The following TFEC variants were observed in gnomAD, a reference collection of about 807,000 sequenced individuals.
TFEC encodes class E basic helix-loop-helix protein 34.
A neutral mutation model predicts 41.6 loss-of-function variants in TFEC; 31 were observed. That is an observed-to-expected ratio of 0.74 (90% confidence interval 0.56 to 1.01). The LOEUF (loss-of-function observed/expected upper bound fraction) is 1.01, where lower values mean the gene tolerates loss of function less well. TFEC is among the 50% of genes least tolerant of loss of function. TFEC has a pLI of 0.00. For missense variants in TFEC, 402 were observed against 404.1 expected (o/e 0.99, Z 0.04); for synonymous variants, 143 against 140.6 (o/e 1.02, Z -0.12).
In TFEC at chr7:115,937,656, G is replaced by T. The variant is rs1027550778; in HGVS notation, c.*2895C>A. 6.6e-6 allele frequency: 1 copy of T among 151,714 alleles called. No homozygotes were observed. The highest frequency in any genetic ancestry group is 1.5e-5 in the Non-Finnish European group (1 of 67,756). 9.4% of individuals were successfully genotyped at this position (151,714 alleles called of 1,614,324 possible). On this transcript the variant is annotated 3_prime_UTR_variant, in exon 8 of 8. Coordinates refer to ENST00000265440, the MANE Select transcript of TFEC (RefSeq NM_012252.4). Reference sequence around the variant, plus strand: ...CAACTTTTTTAGTGAATAATCTAAAGTTTGGTACACTATTACTTTCCTATG... The same window carrying T: ...CAACTTTTTTAGTGAATAATCTAAATTTTGGTACACTATTACTTTCCTATG...
At chr7:115,993,515 G>C (rs1794219622) in intron 1 of TFEC, among the ~76,000 whole-genome samples, 1 of 152,156 alleles carries the variant, frequency 6.6e-6, no homozygotes, top group South Asian at 2.1e-4. Flanking sequence ...AAAGTCTCAG[G>C]ATATAAAATC....
At chr7:116,063,997 A>T (rs1043558143) in intron 3 of TFEC, among the ~76,000 whole-genome samples, 1 of 152,166 alleles carries the variant, frequency 6.6e-6, no homozygotes, top group Non-Finnish European at 1.5e-5. Flanking sequence ...ACAAACACTG[A>T]ATGATCTCAC....
At chr7:116,064,302 C>G (rs573311757) in intron 3 of TFEC, among the ~76,000 whole-genome samples, 2 of 150,656 alleles carry the variant, frequency 1.3e-5, no homozygotes, top group African/African-American at 4.9e-5. Context: ...TCCATATATA[C>G]CTATTTTAAA....
intron 1 of TFEC, among the ~76,000 whole-genome samples, chr7:116,153,647 A>G (rs900413372): frequency 2.6e-5 from 4 of 152,262 alleles, no homozygotes; most frequent in African/African-American, 4.8e-5. Flanking sequence ...GTAATTAACA[A>G]TAATTGGACA....
intron 1 of TFEC, among the ~76,000 whole-genome samples, chr7:116,119,064 C>T (rs1445993951): frequency 6.6e-6 from 1 of 151,852 alleles, no homozygotes; most frequent in Non-Finnish European, 1.5e-5. Flanking sequence ...CAGCATTGAT[C>T]TTTAGAAAGT....
chr7:115,937,889 A>T lies in TFEC; in HGVS notation c.*2662T>A, dbSNP rs1284138287. 2 of 151,816 alleles carry T rather than the reference A, an allele frequency of 1.3e-5. No homozygotes were observed. 9.4% of individuals were successfully genotyped at this position (151,816 alleles called of 1,614,324 possible). A position where few individuals can be genotyped will look rare whatever the true frequency, so the allele number is the denominator to read the frequency against. Reference sequence around the variant, plus strand: ...AACAGTTCTATACTTTTCTAGGGAGAGGGTCTATAACTCACTAGATTCTCA... The same window carrying T: ...AACAGTTCTATACTTTTCTAGGGAGTGGGTCTATAACTCACTAGATTCTCA... On this transcript the variant is annotated 3_prime_UTR_variant, in exon 8 of 8. Coordinates refer to ENST00000265440, the MANE Select transcript of TFEC (RefSeq NM_012252.4).
chr7:116,037,700 T>C (rs897490810), intron 3 of TFEC, among the ~76,000 whole-genome samples: 1 of 151,944 alleles, frequency 6.6e-6, no homozygotes, highest in Non-Finnish European at 1.5e-5. Flanking sequence ...AACTACAAAT[T>C]ATCTAAAATA....
At chr7:116,141,753 A>G (rs1357799620) in intron 1 of TFEC, among the ~76,000 whole-genome samples, 2 of 152,182 alleles carry the variant, frequency 1.3e-5, no homozygotes, top group Admixed American at 6.6e-5. Flanking sequence ...TTTGTTTTAC[A>G]TGATTTTTAG....
chr7:116,015,448 C>T (rs1795153859), intron 1 of TFEC, among the ~76,000 whole-genome samples: 1 of 151,948 alleles, frequency 6.6e-6, no homozygotes, highest in Non-Finnish European at 1.5e-5. Context: ...AGAAGCTATC[C>T]ATAAGGAAGT....
intron 1 of TFEC, among the ~76,000 whole-genome samples, chr7:116,003,018 G>A (rs886756841): frequency 2.0e-5 from 3 of 151,706 alleles, no homozygotes; most frequent in Non-Finnish European, 4.4e-5. Context: ...CAAGAACAAG[G>A]GTAACAAATA....
intron 1 of TFEC, among the ~76,000 whole-genome samples, chr7:116,134,442 T>C (rs1798396653): frequency 1.3e-5 from 2 of 152,168 alleles, no homozygotes; most frequent in South Asian, 4.1e-4. Context: ...ACTTAAAAGC[T>C]AATCAGAAAC....
chr7:116,144,733 A>G (rs1798609250), intron 1 of TFEC, among the ~76,000 whole-genome samples: 2 of 152,206 alleles, frequency 1.3e-5, no homozygotes, highest in Admixed American at 6.5e-5. Context: ...AATCAGTTGA[A>G]AGCCTTAAGA....
intron 3 of TFEC, among the ~76,000 whole-genome samples, chr7:115,957,041 A>G (rs528527812): frequency 5.3e-5 from 8 of 152,102 alleles, no homozygotes; most frequent in Non-Finnish European, 7.4e-5. Flanking sequence ...AAATCAGTTC[A>G]TGTATGAAGG....
chr7:116,032,376 T>C (rs995847686), upstream of TFEC, among the ~76,000 whole-genome samples: 1 of 152,074 alleles, frequency 6.6e-6, no homozygotes, highest in African/African-American at 2.4e-5. Flanking sequence ...TAAAGACACA[T>C]GCACACGTAT....
chr7:115,964,046 C>T (rs1246379878), intron 3 of TFEC, among the ~76,000 whole-genome samples: 1 of 151,064 alleles, frequency 6.6e-6, no homozygotes, highest in Non-Finnish European at 1.5e-5. Context: ...AATAATTAGG[C>T]AAAAAAAGTA....
At chr7:115,988,731 A>G (rs1276343165) in intron 1 of TFEC, among the ~76,000 whole-genome samples, 1 of 152,052 alleles carries the variant, frequency 6.6e-6, no homozygotes, top group African/African-American at 2.4e-5. Flanking sequence ...GGAAGCTCAG[A>G]GAACACCAAG....
intron 1 of TFEC, among the ~76,000 whole-genome samples, chr7:116,012,551 A>G (rs1356377145): frequency 6.6e-6 from 1 of 152,162 alleles, no homozygotes; most frequent in African/African-American, 2.4e-5. Context: ...AAAAATCTAC[A>G]TGCTGTAAAA....
At chr7:116,105,551 G>T (rs2116018252) in intron 3 of TFEC, among the ~76,000 whole-genome samples, 1 of 152,294 alleles carries the variant, frequency 6.6e-6, no homozygotes, top group South Asian at 2.1e-4. Flanking sequence ...TCTAGCCTGG[G>T]CTCTGTGGGT....
intron 3 of TFEC, among the ~76,000 whole-genome samples, chr7:115,965,302 T>C (rs1200983091): frequency 6.6e-6 from 1 of 151,620 alleles, no homozygotes. Context: ...TTCATCAAAT[T>C]TGTTACTCTT....
Sources: allele counts gnomAD v4.1 joint callset (sites outside exome capture counted in the v4.1 genomes callset), GRCh38; gene constraint gnomAD v4.1.1; transcripts MANE v1.5; gene names NCBI Gene and HGNC (gene_info 2026-07-23, HGNC 2026-07-21).